The following PHF14 variants were observed in gnomAD, a reference collection of about 807,000 sequenced individuals.
PHF14 encodes PHD finger protein 14.
PHF14 carries 55 observed loss-of-function variants against 117.9 expected under a neutral mutation model. That is an observed-to-expected ratio of 0.47 (90% CI 0.38 to 0.58). PHF14 has a LOEUF of 0.58. Among genes scored for constraint, PHF14 ranks in the 20% least tolerant of loss-of-function variants. The pLI, the probability that PHF14 is intolerant of heterozygous loss-of-function variation, is 0.00. For missense variants in PHF14, 978 were observed against 1,122.2 expected, an observed-to-expected ratio of 0.87 and a Z score of 1.84; for synonymous variants, 409 against 368.6, an observed-to-expected ratio of 1.11 and a Z score of -1.26.
Position 11,028,939 on chromosome 7 carries a change from A to G in PHF14, c.1455+121A>G, listed in dbSNP as rs1364114447. 4.9e-6 allele frequency: 4 copies of G among 816,966 alleles called. No homozygotes were observed. In the African/African-American group the frequency reaches 5.3e-5, roughly 11 times the overall value. The allele number at this position is 816,966 out of a possible 1,614,324, so 50.6% of individuals were successfully genotyped here. ...ACATTTATTCTTAAAGTTCTTGCCA[A>G]GATCACTGTTCTAAAACTTTAAGAG... On this transcript the variant is annotated intron_variant, in intron 7 of 17. Transcript: ENST00000634607.
rs1320877520 is a variant in PHF14, at chr7:11,125,147, G to A, written c.2772+13680G>A. Among the ~76,000 whole-genome samples the A allele has an allele frequency of 2.6e-5, 4 of 152,156 alleles. No individual in the cohort carries two copies. In the East Asian group the frequency reaches 7.7e-4, roughly 29 times the overall value. ...GAAACTAATCTATTGAACTTGGAGG[G>A]AGGTAAAGGAAAGGGATCTAAAGGT... is the stretch of plus-strand genomic sequence containing the variant. On this transcript the variant is annotated intron_variant, in intron 17 of 17. Coordinates refer to ENST00000634607, the MANE Select transcript of PHF14 (RefSeq NM_001007157.2).
intron 16 of PHF14, among the ~76,000 whole-genome samples, chr7:11,082,454 T>C (rs1357558034): frequency 6.6e-6 from 1 of 152,214 alleles, no homozygotes; most frequent in African/African-American, 2.4e-5. Flanking sequence ...GCATAACAAA[T>C]TTATAAATTT....
chr7:11,088,496 G>C (rs1786509887), intron 16 of PHF14, among the ~76,000 whole-genome samples: 1 of 152,036 alleles, frequency 6.6e-6, no homozygotes, highest in African/African-American at 2.4e-5. Context: ...GAAAATAACA[G>C]AGTATTTTTG....
chr7:11,041,899 TA>T lies in PHF14; in HGVS notation c.2181-774del, dbSNP rs964501003. 1.0e-4 allele frequency among the ~76,000 whole-genome samples: 15 copies of T among 148,156 alleles called. 1 individual carries two copies. The highest frequency in any genetic ancestry group is 1.5e-4 in the African/African-American group (6 of 40,590). ...TGTGTGACTTTTTTCTAGGAGTATTTAAAAAAAAAACCTAACCATCATTGCT... is the reference window on the plus strand; with the variant it reads ...TGTGTGACTTTTTTCTAGGAGTATTTAAAAAAAAACCTAACCATCATTGCT... On this transcript the variant is annotated intron_variant, in intron 12 of 17. Transcript: ENST00000634607.
chr7:11,126,360 A>G (rs758006540), intron 17 of PHF14, among the ~76,000 whole-genome samples: 1 of 152,050 alleles, frequency 6.6e-6, no homozygotes. Context: ...TTTAGGATAC[A>G]TTATTTACTC....
intron 16 of PHF14, among the ~76,000 whole-genome samples, chr7:11,093,492 A>C (rs116126278): frequency 0.011 from 1,653 of 152,038 alleles, 24 homozygotes; most frequent in African/African-American, 0.038. Flanking sequence ...TTTCTTTACT[A>C]TTTCCTGTGT....
intron 17 of PHF14, among the ~76,000 whole-genome samples, chr7:11,164,986 G>A (rs1305523852): frequency 3.3e-5 from 5 of 152,000 alleles, no homozygotes; most frequent in Admixed American, 1.3e-4. Context: ...GTGCAGTGGC[G>A]CGATCTCCGC....
At chr7:11,003,013 C>T (rs1480854968) in intron 4 of PHF14, among the ~76,000 whole-genome samples, 2 of 151,988 alleles carry the variant, frequency 1.3e-5, no homozygotes, top group Non-Finnish European at 2.9e-5. Context: ...GTGGCATGAT[C>T]TCCGCTCACT....
intron 16 of PHF14, chr7:11,108,299 A>G (rs1281418387): frequency 1.3e-5 from 2 of 151,702 alleles, no homozygotes; most frequent in African/African-American, 2.4e-5. Flanking sequence ...TTATATTTGT[A>G]TATTTGTTTA....
intron 17 of PHF14, among the ~76,000 whole-genome samples, chr7:11,165,462 C>G (rs1033626582): frequency 1.3e-5 from 2 of 152,186 alleles, no homozygotes; most frequent in African/African-American, 4.8e-5. Flanking sequence ...ACATCAACAT[C>G]TATAAAGATA....
At chr7:11,153,950 T>TGTGC (rs761179001) in intron 17 of PHF14, among the ~76,000 whole-genome samples, 1 of 63,888 alleles carries the variant, frequency 1.6e-5, no homozygotes, top group African/African-American at 6.9e-5. Flanking sequence ...TGTGTGTGCG[T>TGTGC]GTGTGTGTGT....
intron 16 of PHF14, among the ~76,000 whole-genome samples, chr7:11,083,464 AT>A (rs776573456): frequency 1.3e-3 from 146 of 112,304 alleles, no homozygotes; most frequent in Admixed American, 1.5e-3. Flanking sequence ...TGCTTTCCCT[AT>A]TTTTTTTTTT....
chr7:11,069,824 A>G (rs1785551255), intron 16 of PHF14, among the ~76,000 whole-genome samples: 1 of 151,288 alleles, frequency 6.6e-6, no homozygotes, highest in South Asian at 2.1e-4. Flanking sequence ...TTACCACCAC[A>G]CCACCATGCC....
chr7:11,096,098 C>G (rs547840258), intron 16 of PHF14, among the ~76,000 whole-genome samples: 2 of 151,948 alleles, frequency 1.3e-5, no homozygotes, highest in East Asian at 3.9e-4. Flanking sequence ...AGAGGTCTTC[C>G]TTAATCACAT....
intron 17 of PHF14, among the ~76,000 whole-genome samples, chr7:11,117,508 T>G (rs975564615): frequency 2.0e-5 from 3 of 147,734 alleles, no homozygotes; most frequent in African/African-American, 7.6e-5. Flanking sequence ...ACATACGATA[T>G]TTTTAATTTT....
At chr7:11,057,586 C>G (rs1583420440) in intron 14 of PHF14, among the ~76,000 whole-genome samples, 1 of 152,054 alleles carries the variant, frequency 6.6e-6, no homozygotes, top group African/African-American at 2.4e-5. Flanking sequence ...GTTGGCCAGG[C>G]TGGTTTCAAA....
At chr7:11,096,139 G>T (rs1310664609) in intron 16 of PHF14, among the ~76,000 whole-genome samples, 1 of 151,900 alleles carries the variant, frequency 6.6e-6, no homozygotes, top group Non-Finnish European at 1.5e-5. Flanking sequence ...GTTCATTTTG[G>T]TTCTTTTATT....
rs760943575 is a variant in PHF14, at chr7:10,973,928, G to C, written c.-396G>C. On this transcript the variant is annotated 5_prime_UTR_variant, in exon 1 of 18. Coordinates refer to ENST00000634607, the MANE Select transcript of PHF14 (RefSeq NM_001007157.2). Reference sequence around the variant, plus strand: ...GCTTTCCCTATTGTCTGAGGCAGCCGCCCTCGCGCTGTGCAATTTCTGGTC... The same window carrying C: ...GCTTTCCCTATTGTCTGAGGCAGCCCCCCTCGCGCTGTGCAATTTCTGGTC... 1 of 180,384 alleles carries C rather than the reference G, an allele frequency of 5.5e-6. No homozygotes were observed. Among genetic ancestry groups the C allele is most frequent in the African/African-American group, 2.4e-5 (1 of 41,900 alleles). The allele number at this position is 180,384 out of a possible 1,614,324, so 11.2% of individuals were successfully genotyped here.
In PHF14 at chr7:11,152,878, C is replaced by T. The variant is rs111449959; in HGVS notation, c.2773-16538C>T. On this transcript the variant is annotated intron_variant, in intron 17 of 17. Coordinates refer to ENST00000634607, the MANE Select transcript of PHF14 (RefSeq NM_001007157.2). Reference sequence around the variant, plus strand: ...ACAAAATAAAAGTCAGAGGAAACACCTACTGCATTTTGTTCAGGAATCAGA... The same window carrying T: ...ACAAAATAAAAGTCAGAGGAAACACTTACTGCATTTTGTTCAGGAATCAGA... Among the ~76,000 whole-genome samples the T allele has an allele frequency of 7.4e-3, 1,128 of 152,234 alleles. 13 individuals carry two copies. The highest frequency in any genetic ancestry group is 0.026 in the African/African-American group (1,080 of 41,546).
Sources: gnomAD v4.1 joint callset for allele counts (sites outside exome capture counted in the v4.1 genomes callset) on GRCh38, gnomAD v4.1.1 for gene constraint, MANE v1.5 for transcripts, NCBI Gene and HGNC (gene_info 2026-07-23, HGNC 2026-07-21) for gene names.